The following GNB1 variants were observed in gnomAD, a reference collection of about 807,000 sequenced individuals.
The protein encoded by GNB1 is G protein subunit beta 1, also known as guanine nucleotide-binding protein G(I)/G(S)/G(T) subunit beta-1.
GNB1 carries 2 observed loss-of-function variants against 42.9 expected under a neutral mutation model. The observed-to-expected ratio is 0.05, with a 90% CI of 0.02 to 0.15. The LOEUF (loss-of-function observed/expected upper bound fraction) is 0.15, where lower values mean the gene tolerates loss of function less well. Among genes scored for constraint, GNB1 ranks in the 10% least tolerant of loss-of-function variants. GNB1 has a pLI of 1.00. For missense variants in GNB1, 193 were observed against 462.2 expected (o/e 0.42, Z 5.34); for synonymous variants, 183 against 174.7 (o/e 1.05, Z -0.38).
intron 1 of GNB1, among the ~76,000 whole-genome samples, chr1:1,842,214 A>G (rs1428305547): frequency 6.6e-6 from 1 of 152,216 alleles, no homozygotes; most frequent in African/African-American, 2.4e-5. Context: ...GCAGATCACA[A>G]GGTCAGCAGA....
At chr1:1,792,499 C>G (rs966170254) in intron 8 of GNB1, among the ~76,000 whole-genome samples, 1 of 151,672 alleles carries the variant, frequency 6.6e-6, no homozygotes, top group Non-Finnish European at 1.5e-5. Context: ...GGATAAGAGA[C>G]CATCCTGGCC....
chr1:1,884,029 A>T (rs577062371), intron 1 of GNB1, among the ~76,000 whole-genome samples: 2 of 150,164 alleles, frequency 1.3e-5, no homozygotes, highest in Non-Finnish European at 3.0e-5. Flanking sequence ...ACAATGGCAC[A>T]ATCTCGGCTC....
Position 1,850,837 on chromosome 1 carries a change from T to C in GNB1, c.-95-11599A>G, listed in dbSNP as rs149262875. On this transcript the variant is annotated intron_variant, in intron 1 of 11. Transcript: ENST00000378609. ...CAGATGATATTCAATAAAACCAGAA[T>C]TGGGTACACCTCTTTGTCTGAGCCA... Among the ~76,000 whole-genome samples, 881 of 152,286 alleles carry C rather than the reference T, an allele frequency of 5.8e-3. 8 individuals carry two copies. Among genetic ancestry groups the C allele is most frequent in the Admixed American group, 0.01 (154 of 15,296 alleles).
chr1:1,817,229 C>T (rs1360991409), intron 4 of GNB1, among the ~76,000 whole-genome samples: 1 of 152,200 alleles, frequency 6.6e-6, no homozygotes, highest in Admixed American at 6.5e-5. Context: ...CTCTCACTAT[C>T]GTAATATTTA....
chr1:1,833,287 T>C (rs1039605460), intron 2 of GNB1, among the ~76,000 whole-genome samples: 6 of 152,226 alleles, frequency 3.9e-5, no homozygotes, highest in Admixed American at 3.9e-4. Context: ...GGAGTTTGCA[T>C]GAGGAATTTA....
chr1:1,830,362 G>A (rs1355250830), intron 2 of GNB1, among the ~76,000 whole-genome samples: 3 of 151,050 alleles, frequency 2.0e-5, no homozygotes, highest in African/African-American at 7.3e-5. Flanking sequence ...CCGGGTTCAC[G>A]CCACTCTCCT....
intron 1 of GNB1, among the ~76,000 whole-genome samples, chr1:1,871,953 T>C (rs971819923): frequency 6.6e-6 from 1 of 152,078 alleles, no homozygotes; most frequent in African/African-American, 2.4e-5. Context: ...TGTCTCAATC[T>C]GTGCCCCCGA....
In GNB1 at chr1:1,889,607, T is replaced by C. The variant is rs564141407; in HGVS notation, c.-96+1213A>G. The stretch of plus-strand genomic sequence containing the variant: ...CGGGAGGATCGCTTGAGCCCCAGAG[T>C]TCGAGACCAGCCTGGTTAACAGGAT... On this transcript the variant is annotated intron_variant, in intron 1 of 11. Coordinates refer to ENST00000378609, the MANE Select transcript of GNB1 (RefSeq NM_002074.5). 1.6e-3 allele frequency among the ~76,000 whole-genome samples: 236 copies of C among 150,424 alleles called. 1 individual carries two copies. The highest frequency in any genetic ancestry group is 0.01 in the Middle Eastern group (3 of 292).
chr1:1,849,374 C>A (rs1647856789), intron 1 of GNB1, among the ~76,000 whole-genome samples: 1 of 152,156 alleles, frequency 6.6e-6, no homozygotes, highest in African/African-American at 2.4e-5. Context: ...TCTCACAGGG[C>A]AGATCTACTG....
intron 3 of GNB1, among the ~76,000 whole-genome samples, chr1:1,823,943 T>C (rs1646964899): frequency 2.6e-5 from 4 of 152,190 alleles, no homozygotes; most frequent in Admixed American, 2.6e-4. Context: ...CAGCTTACTA[T>C]ACAGCCTCAA....
At chr1:1,788,821 ACT>A (rs1646440702) in intron 10 of GNB1, 13 of 492,708 alleles carry the variant, frequency 2.6e-5, no homozygotes, top group Middle Eastern at 5.6e-4. Context: ...CTGCCCACTG[ACT>A]CTCCCCAGAG....
chr1:1,878,311 G>C (rs1039983565), intron 1 of GNB1, among the ~76,000 whole-genome samples: 2 of 152,172 alleles, frequency 1.3e-5, no homozygotes, highest in Non-Finnish European at 2.9e-5. Context: ...TAAGGTTGTA[G>C]GGAATTTATT....
At chr1:1,811,277 G>A (rs977917720) in intron 5 of GNB1, among the ~76,000 whole-genome samples, 97 of 150,842 alleles carry the variant, frequency 6.4e-4, no homozygotes, top group African/African-American at 2.1e-3. Context: ...TAGTAGAGAT[G>A]GGGTTTCACC....
chr1:1,802,257 G>A (rs1011423893), intron 7 of GNB1, among the ~76,000 whole-genome samples: 41 of 151,956 alleles, frequency 2.7e-4, no homozygotes, highest in African/African-American at 9.4e-4. Context: ...TGCACACAGC[G>A]CGGCCACCAT....
chr1:1,814,362 A>G (rs1052190330), intron 5 of GNB1, among the ~76,000 whole-genome samples: 2 of 152,242 alleles, frequency 1.3e-5, no homozygotes, highest in African/African-American at 4.8e-5. Context: ...AGCATGTCAC[A>G]GTTACACAAA....
chr1:1,888,035 AC>A (rs1446435206), intron 1 of GNB1, among the ~76,000 whole-genome samples: 11 of 152,238 alleles, frequency 7.2e-5, no homozygotes, highest in Non-Finnish European at 1.5e-4. Flanking sequence ...CACCAAAAAA[AC>A]AGAATTAACT....
intron 1 of GNB1, among the ~76,000 whole-genome samples, chr1:1,864,713 T>A (rs921743143): frequency 6.6e-6 from 1 of 152,222 alleles, no homozygotes; most frequent in Non-Finnish European, 1.5e-5. Context: ...TAGTTTGTAC[T>A]CTGAGTAAAA....
intron 1 of GNB1, among the ~76,000 whole-genome samples, chr1:1,853,708 T>C (rs1648111485): frequency 6.6e-6 from 1 of 152,172 alleles, no homozygotes; most frequent in Non-Finnish European, 1.5e-5. Flanking sequence ...AGAAACTATG[T>C]CTTCAGGCTA....
intron 1 of GNB1, among the ~76,000 whole-genome samples, chr1:1,867,918 T>C (rs1297057431): frequency 2.0e-5 from 3 of 152,230 alleles, no homozygotes; most frequent in South Asian, 2.1e-4. Context: ...CATTAATTTA[T>C]AGATCAGTAT....
Sources: allele counts gnomAD v4.1 joint callset (sites outside exome capture counted in the v4.1 genomes callset), GRCh38; gene constraint gnomAD v4.1.1; transcripts MANE v1.5; gene names NCBI Gene and HGNC (gene_info 2026-07-23, HGNC 2026-07-21).